TRIM2: variants seen among roughly 807,000 people sequenced by gnomAD.
The protein encoded by TRIM2 is tripartite motif-containing protein 2.
A neutral mutation model predicts 75.2 loss-of-function variants in TRIM2; 20 were observed. That is an observed-to-expected ratio of 0.27 (90% confidence interval 0.19 to 0.39). The LOEUF (loss-of-function observed/expected upper bound fraction) is 0.39. Among genes scored for constraint, TRIM2 ranks in the 10% least tolerant of loss-of-function variants. TRIM2 has a pLI of 1.00. For missense variants in TRIM2, 660 were observed against 990.8 expected, an observed-to-expected ratio of 0.67 and a Z score of 4.48; for synonymous variants, 373 against 388.3, an observed-to-expected ratio of 0.96 and a Z score of 0.46.
At chr4:153,167,109 T>C (rs1340660538) in intron 1 of TRIM2, among the ~76,000 whole-genome samples, 3 of 152,246 alleles carry the variant, frequency 2.0e-5, no homozygotes, top group Non-Finnish European at 4.4e-5. Context: ...TGCATGACCT[T>C]GGTCAAGTTC....
intron 1 of TRIM2, among the ~76,000 whole-genome samples, chr4:153,159,711 A>G (rs1016576533): frequency 2.0e-5 from 3 of 152,120 alleles, no homozygotes; most frequent in Non-Finnish European, 4.4e-5. Context: ...ATTTGAATAT[A>G]CTTTTCTAAA....
chr4:153,194,463 T>C (rs1733561835), intron 1 of TRIM2, among the ~76,000 whole-genome samples: 1 of 152,278 alleles, frequency 6.6e-6, no homozygotes, highest in Non-Finnish European at 1.5e-5. Flanking sequence ...TTAAGTGGAA[T>C]GAAAGAAACC....
upstream of TRIM2, among the ~76,000 whole-genome samples, chr4:153,202,564 C>A (rs1420522077): frequency 1.3e-5 from 2 of 152,008 alleles, no homozygotes; most frequent in East Asian, 3.9e-4. Flanking sequence ...CCGGGCATGG[C>A]GGCATGCGCC....
chr4:153,334,753 C>A, intron 11 of TRIM2, 61 bp from the exon 12 acceptor site: 1 of 1,424,614 alleles, frequency 7.0e-7, no homozygotes, highest in Non-Finnish European at 9.6e-7. Context: ...GTTTTCTAAC[C>A]CATGTTCAGC....
chr4:153,156,089 A>G (rs1729204441), intron 1 of TRIM2, among the ~76,000 whole-genome samples: 1 of 152,228 alleles, frequency 6.6e-6, no homozygotes, highest in Non-Finnish European at 1.5e-5. Flanking sequence ...AAAGCATTTT[A>G]AAATGTTTCG....
chr4:153,281,780 G>A (rs774698544), intron 3 of TRIM2, among the ~76,000 whole-genome samples: 2 of 152,188 alleles, frequency 1.3e-5, no homozygotes, highest in Non-Finnish European at 2.9e-5. Context: ...GAAAAATAAT[G>A]GTCAGTGATC....
intron 6 of TRIM2, among the ~76,000 whole-genome samples, chr4:153,311,894 TTTTA>T (rs112254741): frequency 0.01 from 1,506 of 144,320 alleles, 27 homozygotes; most frequent in African/African-American, 0.033. Flanking sequence ...GTTTTTATTC[TTTTA>T]TTTATTTATT....
rs192988577 is a variant in TRIM2 at position 153,170,772 on chromosome 4, C to T, written c.-49+17502C>T. On this transcript the variant is annotated intron_variant, in intron 1 of 11. Coordinates refer to the TRIM2 transcript ENST00000437508. ...GGGTAAAAACAGCTGTCCCTTTGCT[C>T]ATCAAGCCCTTCACCCTGTTGAGGG... 3.3e-5 allele frequency among the ~76,000 whole-genome samples: 5 copies of T among 152,250 alleles called. No individual in the cohort carries two copies. In the East Asian group the frequency reaches 9.6e-4, roughly 29 times the overall value.
chr4:153,315,795 C>G, intron 7 of TRIM2, 37 bp from the exon 8 acceptor site: 1 of 1,610,574 alleles, frequency 6.2e-7, no homozygotes. Flanking sequence ...AATGCCTGTA[C>G]TAGTTCACAT....
intron 6 of TRIM2, among the ~76,000 whole-genome samples, chr4:153,314,280 C>CGTAG (rs1466297842): frequency 1.4e-5 from 2 of 145,390 alleles, no homozygotes; most frequent in Non-Finnish European, 2.9e-5. Context: ...ATTAGCCGGG[C>CGTAG]GTAGTGGCGG....
chr4:153,273,270 C>CATTTTTTTTTT (rs1757187818), intron 2 of TRIM2, among the ~76,000 whole-genome samples: 4 of 57,390 alleles, frequency 7.0e-5, no homozygotes, highest in African/African-American at 2.8e-4. Flanking sequence ...TACAGTCACT[C>CATTTTTTTTTT]TTTTTTTTTT....
At chr4:153,280,200 T>C (rs185325973) in intron 3 of TRIM2, among the ~76,000 whole-genome samples, 1 of 152,056 alleles carries the variant, frequency 6.6e-6, no homozygotes, top group Admixed American at 6.6e-5. Context: ...AGTAAGTTTA[T>C]TAAATACATA....
intron 11 of TRIM2, among the ~76,000 whole-genome samples, chr4:153,331,960 G>A (rs1477650713): frequency 4.6e-5 from 7 of 152,140 alleles, no homozygotes; most frequent in African/African-American, 1.4e-4. Flanking sequence ...AAAAAAGAAT[G>A]AACATTAATT....
At chr4:153,193,304 T>G (rs1336407165) in intron 1 of TRIM2, among the ~76,000 whole-genome samples, 1 of 151,570 alleles carries the variant, frequency 6.6e-6, no homozygotes, top group African/African-American at 2.4e-5. Context: ...GCTAATTTTT[T>G]GTATTTTTAG....
chr4:153,300,054 T>C (rs1237285450), intron 6 of TRIM2, among the ~76,000 whole-genome samples: 1 of 152,178 alleles, frequency 6.6e-6, no homozygotes, highest in East Asian at 1.9e-4. Context: ...TATGTTTGAG[T>C]GCTATTTCTT....
chr4:153,316,950 A>G (rs28655269), intron 8 of TRIM2, among the ~76,000 whole-genome samples: 4,966 of 126,290 alleles, frequency 0.039, 208 homozygotes, highest in African/African-American at 0.12. Context: ...GCGCGATCTC[A>G]GCTCACTGCA....
intron 8 of TRIM2, among the ~76,000 whole-genome samples, chr4:153,317,030 G>A (rs1037378980): frequency 2.0e-5 from 3 of 151,422 alleles, no homozygotes; most frequent in Non-Finnish European, 4.4e-5. Flanking sequence ...ACAGGTGCCC[G>A]CCACCACGCC....
intron 1 of TRIM2, among the ~76,000 whole-genome samples, chr4:153,159,289 A>G (rs906736325): frequency 1.4e-5 from 2 of 146,072 alleles, no homozygotes; most frequent in Non-Finnish European, 3.0e-5. Flanking sequence ...TTGAGTTTTT[A>G]CAAAATCTTT....
chr4:153,255,748 C>T (rs1245460053), intron 1 of TRIM2, among the ~76,000 whole-genome samples: 1 of 152,210 alleles, frequency 6.6e-6, no homozygotes, highest in African/African-American at 2.4e-5. Context: ...TAAATTCACG[C>T]AATGGAATAT....
Sources: allele counts gnomAD v4.1 joint callset (sites outside exome capture counted in the v4.1 genomes callset), GRCh38; gene constraint gnomAD v4.1.1; transcripts MANE v1.5; gene names NCBI Gene and HGNC (gene_info 2026-07-23, HGNC 2026-07-21).